Variants in PXDNL observed in about 807,000 individuals in gnomAD.
PXDNL encodes peroxidasin like.
PXDNL carries 145 observed loss-of-function variants against 150.8 expected under a neutral mutation model. The observed-to-expected ratio is 0.96, with a 90% confidence interval of 0.84 to 1.10. The LOEUF (loss-of-function observed/expected upper bound fraction) is 1.10, where lower values mean the gene tolerates loss of function less well. PXDNL is among the 50% of genes least tolerant of loss of function. PXDNL has a pLI of 0.00. For synonymous variants in PXDNL, 757 were observed against 725.7 expected (o/e 1.04, Z -0.69); for missense variants, 2,087 against 1,873.9 (o/e 1.11, Z -2.10).
chr8:51,498,701 C>T (rs532738087), intron 5 of PXDNL, among the ~76,000 whole-genome samples: 1 of 152,136 alleles, frequency 6.6e-6, no homozygotes, highest in African/African-American at 2.4e-5. Context: ...CAAAACATTG[C>T]CAGGCCTACG....
chr8:51,788,153 A>T (rs757638888), intron 1 of PXDNL, among the ~76,000 whole-genome samples: 33 of 152,338 alleles, frequency 2.2e-4, no homozygotes, highest in Non-Finnish European at 4.3e-4. Flanking sequence ...CAATTGTGTG[A>T]CTCACTTTTA....
chr8:51,661,396 C>T (rs988320479), intron 1 of PXDNL, among the ~76,000 whole-genome samples: 1 of 152,172 alleles, frequency 6.6e-6, no homozygotes, highest in African/African-American at 2.4e-5. Flanking sequence ...CTAGATTTTG[C>T]TCTGAAGGTA....
chr8:51,676,570 C>G (rs1815627022), intron 1 of PXDNL, among the ~76,000 whole-genome samples: 3 of 151,330 alleles, frequency 2.0e-5, no homozygotes, highest in Non-Finnish European at 2.9e-5. Flanking sequence ...AGCCACCATG[C>G]CTGGCCGGAC....
intron 2 of PXDNL, among the ~76,000 whole-genome samples, chr8:51,648,564 T>C (rs1289072671): frequency 6.6e-6 from 1 of 152,190 alleles, no homozygotes; most frequent in African/African-American, 2.4e-5. Flanking sequence ...AGGCTTCTGG[T>C]CTCTAGAATT....
rs1435094492 is a variant in PXDNL, at chr8:51,801,219, G to C, written c.164+7962C>G. Among the ~76,000 whole-genome samples, 11 of 152,038 alleles carry C rather than the reference G, an allele frequency of 7.2e-5. 1 individual carries two copies. Among genetic ancestry groups the C allele is most frequent in the Admixed American group, 7.2e-4 (11 of 15,264 alleles). ...GTGGTTGAGATAAGGACTGAAATAC[G>C]CCCTGGTCTCCTGCAGTACCCTCAG... On this transcript the variant is annotated intron_variant, in intron 1 of 22. Transcript: ENST00000356297.
chr8:51,511,440 AC>A (rs1168344896), intron 4 of PXDNL, among the ~76,000 whole-genome samples: 2 of 152,080 alleles, frequency 1.3e-5, no homozygotes, highest in African/African-American at 4.8e-5. Context: ...TGGAGAAGTG[AC>A]TCCCAGTGCA....
chr8:51,510,684 G>A (rs535813378), intron 4 of PXDNL, among the ~76,000 whole-genome samples: 130 of 152,074 alleles, frequency 8.5e-4, no homozygotes, highest in Non-Finnish European at 1.4e-3. Flanking sequence ...GAGGCTCATC[G>A]GGTGATATTT....
At chr8:51,443,012 G>A (rs1809586922) in intron 12 of PXDNL, among the ~76,000 whole-genome samples, 2 of 152,070 alleles carry the variant, frequency 1.3e-5, no homozygotes, top group Admixed American at 6.5e-5. Context: ...TCTTCCACAG[G>A]TTTAACACGT....
intron 3 of PXDNL, among the ~76,000 whole-genome samples, chr8:51,575,358 CAG>C (rs1419269593): frequency 1.3e-5 from 2 of 151,632 alleles, no homozygotes; most frequent in African/African-American, 4.8e-5. Flanking sequence ...AGAAAATAAA[CAG>C]AAAAAAAATT....
chr8:51,528,395 A>G (rs910111107), intron 4 of PXDNL, among the ~76,000 whole-genome samples: 3 of 151,340 alleles, frequency 2.0e-5, no homozygotes, highest in African/African-American at 7.4e-5. Flanking sequence ...AATGTTTTAT[A>G]TGAATTATAA....
rs573424284 is a variant in PXDNL at position 51,799,649 on chromosome 8, T to C, written c.164+9532A>G. On this transcript the variant is annotated intron_variant, in intron 1 of 22. Coordinates refer to ENST00000356297, the MANE Select transcript of PXDNL (RefSeq NM_144651.5). Reference sequence around the variant, plus strand: ...TGCAACAGCTTTTCAACTATACTTGTCTTTAGAGTTGGCCAAAATATAGAC... The same window carrying C: ...TGCAACAGCTTTTCAACTATACTTGCCTTTAGAGTTGGCCAAAATATAGAC... Among the ~76,000 whole-genome samples the C allele has an allele frequency of 2.0e-5, 3 of 152,294 alleles. No homozygotes were observed. In the East Asian group the frequency reaches 5.8e-4, roughly 29 times the overall value.
chr8:51,440,471 T>C (rs1436625310), intron 12 of PXDNL, among the ~76,000 whole-genome samples: 1 of 151,554 alleles, frequency 6.6e-6, no homozygotes, highest in African/African-American at 2.4e-5. Flanking sequence ...TAATAATAAT[T>C]CATGTGGCAG....
chr8:51,352,758 A>G (rs531886654), intron 19 of PXDNL, among the ~76,000 whole-genome samples: 12 of 152,326 alleles, frequency 7.9e-5, no homozygotes, highest in African/African-American at 2.9e-4. Flanking sequence ...AATACAATGG[A>G]ATAATACTCA....
chr8:51,383,313 C>T (rs758589201), intron 17 of PXDNL, among the ~76,000 whole-genome samples: 10 of 152,166 alleles, frequency 6.6e-5, no homozygotes, highest in Admixed American at 2.6e-4. Context: ...CACTTGTCAA[C>T]TTTCGCCCCC....
At chr8:51,567,650 C>G (rs960445421) in intron 3 of PXDNL, among the ~76,000 whole-genome samples, 1 of 151,656 alleles carries the variant, frequency 6.6e-6, no homozygotes, top group African/African-American at 2.4e-5. Context: ...TTTAATCTAT[C>G]TATAATTGAT....
intron 2 of PXDNL, among the ~76,000 whole-genome samples, chr8:51,612,421 G>A (rs1448801881): frequency 3.3e-5 from 5 of 152,140 alleles, no homozygotes; most frequent in African/African-American, 9.7e-5. Context: ...CTCTCTCCAC[G>A]CAACTCTCTC....
At chr8:51,606,170 C>T (rs1585615188) in intron 2 of PXDNL, among the ~76,000 whole-genome samples, 1 of 152,264 alleles carries the variant, frequency 6.6e-6, no homozygotes, top group East Asian at 1.9e-4. Context: ...TGTTAAATTA[C>T]TCATATACGT....
At chr8:51,783,829 C>G (rs1364635178) in intron 1 of PXDNL, among the ~76,000 whole-genome samples, 1 of 152,096 alleles carries the variant, frequency 6.6e-6, no homozygotes, top group Non-Finnish European at 1.5e-5. Context: ...TTTAGCGAGC[C>G]TTAGAAATAG....
chr8:51,611,908 C>T (rs1430806191), intron 2 of PXDNL, among the ~76,000 whole-genome samples: 1 of 152,188 alleles, frequency 6.6e-6, no homozygotes, highest in Non-Finnish European at 1.5e-5. Context: ...AAGGGAAGGC[C>T]CGGGGCACCA....
Sources: gnomAD v4.1 joint callset for allele counts (sites outside exome capture counted in the v4.1 genomes callset) on GRCh38, gnomAD v4.1.1 for gene constraint, MANE v1.5 for transcripts, NCBI Gene and HGNC (gene_info 2026-07-23, HGNC 2026-07-21) for gene names.